RAPGEF2: variants seen among roughly 807,000 people sequenced by gnomAD.
RAPGEF2 encodes the protein Rap guanine nucleotide exchange factor 2.
In RAPGEF2, 54 loss-of-function variants were observed where a neutral mutation model predicts 186.7. That is an observed-to-expected ratio of 0.29 (90% CI 0.23 to 0.36). The LOEUF (loss-of-function observed/expected upper bound fraction) is 0.36. RAPGEF2 is among the 10% of genes least tolerant of loss of function. The probability of loss-of-function intolerance (pLI) is 1.00; values close to 1 mark genes in which losing one functional copy is unlikely to be tolerated. For synonymous variants in RAPGEF2, 712 were observed against 705.9 expected, an observed-to-expected ratio of 1.01 and a Z score of -0.14; for missense variants, 1,532 against 2,045.0, an observed-to-expected ratio of 0.75 and a Z score of 4.84.
chr4:159,352,839 C>T lies in RAPGEF2; in HGVS notation c.4020C>T (p.Ile1340=), dbSNP rs772674535. The change falls in exon 27 of 30, where the codon ATC becomes ATT. Residue 1340 remains isoleucine (I), a synonymous_variant. Coordinates refer to ENST00000691494, the MANE Select transcript of RAPGEF2 (RefSeq NM_001394067.2). ...DERRQRHSVS[I]VETNLGMGRM... is the part of the protein sequence containing the mutation. Reference sequence around the variant, plus strand: ...GGCGCCAGAGGCATTCTGTCAGCATCGTGGAAACAAACCTAGGGATGGGCA... The same window carrying T: ...GGCGCCAGAGGCATTCTGTCAGCATTGTGGAAACAAACCTAGGGATGGGCA... The T allele has an allele frequency of 6.2e-6, 10 of 1,614,050 alleles. No individual in the cohort carries two copies. The highest frequency in any genetic ancestry group is 2.2e-5 in the East Asian group (1 of 44,888).
intron 1 of RAPGEF2, among the ~76,000 whole-genome samples, chr4:159,144,392 C>T (rs1742676290): frequency 6.6e-6 from 1 of 152,170 alleles, no homozygotes; most frequent in South Asian, 2.1e-4. Context: ...TCTTGTATTT[C>T]TGTGTAATTC....
At chr4:159,112,409 G>T (rs1738597230) in intron 1 of RAPGEF2, among the ~76,000 whole-genome samples, 1 of 151,932 alleles carries the variant, frequency 6.6e-6, no homozygotes, top group Non-Finnish European at 1.5e-5. Flanking sequence ...GAAGTAGTAA[G>T]GTTAGCCTTA....
At chr4:159,297,128 T>A (rs183422999) in intron 7 of RAPGEF2, among the ~76,000 whole-genome samples, 1 of 152,322 alleles carries the variant, frequency 6.6e-6, no homozygotes, top group East Asian at 1.9e-4. Context: ...CAGCAAGCCA[T>A]GTGAAATACT....
chr4:159,201,534 T>C (rs1749412223), intron 3 of RAPGEF2, among the ~76,000 whole-genome samples: 1 of 152,190 alleles, frequency 6.6e-6, no homozygotes, highest in South Asian at 2.1e-4. Flanking sequence ...AATAAGTAAT[T>C]TTCACTGTGG....
At chr4:159,203,089 C>A (rs952316116) in intron 3 of RAPGEF2, among the ~76,000 whole-genome samples, 1 of 152,142 alleles carries the variant, frequency 6.6e-6, no homozygotes, top group Non-Finnish European at 1.5e-5. Context: ...TCAACTTGAT[C>A]GCTTGCATTT....
In RAPGEF2 at chr4:159,235,149, G is replaced by GT. The variant is rs1308832339; in HGVS notation, c.282-3655dup. The stretch of plus-strand genomic sequence containing the variant: ...TTTGTGAGAAACTTTTCAGTTCTGT[G>GT]TTTTTCCCCTTAGAAACTCTTCCAG... On this transcript the variant is annotated intron_variant, in intron 4 of 29. Coordinates refer to ENST00000691494, the MANE Select transcript of RAPGEF2 (RefSeq NM_001394067.2). 2.6e-5 allele frequency among the ~76,000 whole-genome samples: 4 copies of GT among 152,138 alleles called. 1 individual carries two copies. Among genetic ancestry groups the GT allele is most frequent in the Admixed American group, 2.6e-4 (4 of 15,282 alleles).
intron 9 of RAPGEF2, among the ~76,000 whole-genome samples, chr4:159,318,748 G>A (rs902270665): frequency 1.3e-5 from 2 of 151,468 alleles, no homozygotes; most frequent in Non-Finnish European, 2.9e-5. Context: ...AACAAGCCCC[G>A]GGTTTTTAAA....
chr4:159,339,048 T>A, intron 18 of RAPGEF2, 66 bp from the exon 19 acceptor site: 1 of 1,538,326 alleles, frequency 6.5e-7, no homozygotes, highest in Non-Finnish European at 8.8e-7. Flanking sequence ...CTGATTACTT[T>A]GCTTAATTGC....
chr4:159,296,847 G>A (rs1762087864), intron 7 of RAPGEF2, among the ~76,000 whole-genome samples: 1 of 152,148 alleles, frequency 6.6e-6, no homozygotes, highest in South Asian at 2.1e-4. Context: ...AGTTCATGTA[G>A]GTTTCCTTTC....
chr4:159,331,389 G>T, intron 13 of RAPGEF2, 42 bp from the exon 14 acceptor site: 2 of 1,201,480 alleles, frequency 1.7e-6, no homozygotes, highest in Non-Finnish European at 2.4e-6. Context: ...TCACATTTTT[G>T]GCACTAAAAA....
In RAPGEF2 at chr4:159,277,378, T is replaced by A. The variant is rs560176473; in HGVS notation, c.544-26964T>A. On this transcript the variant is annotated intron_variant, in intron 7 of 29. Transcript: ENST00000691494. ...TTGCTATTGTGAGTAGTGCCACAATTAACATACGTGTGCATGTGTCTTTAT... is the reference window on the plus strand; with the variant it reads ...TTGCTATTGTGAGTAGTGCCACAATAAACATACGTGTGCATGTGTCTTTAT... 2.8e-4 allele frequency among the ~76,000 whole-genome samples: 42 copies of A among 152,284 alleles called. 1 individual carries two copies. Among genetic ancestry groups the A allele is most frequent in the Admixed American group, 2.1e-3 (32 of 15,288 alleles).
At chr4:159,164,372 A>G (rs566424713) in intron 1 of RAPGEF2, among the ~76,000 whole-genome samples, 4 of 151,332 alleles carry the variant, frequency 2.6e-5, no homozygotes, top group Admixed American at 2.0e-4. Flanking sequence ...GGGAGAGAAT[A>G]TAAGAACAAA....
At position 159,343,410 on chromosome 4, in the gene RAPGEF2, T is replaced by G; in HGVS notation, c.3254+6T>G. 6.2e-7 allele frequency: 1 copy of G among 1,613,624 alleles called. No individual in the cohort carries two copies. The highest frequency in any genetic ancestry group is 8.5e-7 in the Non-Finnish European group (1 of 1,179,664). Reference sequence around the variant, plus strand: ...GCCCTCATGTTCAGGACTCGGTGAGTATGTCATCTTCAGTGGCACGTGTGA... The same window carrying G: ...GCCCTCATGTTCAGGACTCGGTGAGGATGTCATCTTCAGTGGCACGTGTGA... On this transcript the variant is annotated splice_donor_region_variant and intron_variant, in intron 22 of 29. Transcript: ENST00000691494.
chr4:159,253,150 A>AT (rs1755670002), intron 7 of RAPGEF2, among the ~76,000 whole-genome samples: 1 of 152,254 alleles, frequency 6.6e-6, no homozygotes, highest in Admixed American at 6.5e-5. Flanking sequence ...AGGGAAGAGT[A>AT]TTTTAACAGC....
At chr4:159,198,886 C>G (rs1749096058) in intron 3 of RAPGEF2, among the ~76,000 whole-genome samples, 1 of 151,402 alleles carries the variant, frequency 6.6e-6, no homozygotes, top group Non-Finnish European at 1.5e-5. Flanking sequence ...TCGAGACCAG[C>G]CTGGGCAACA....
Position 159,131,519 on chromosome 4 carries a change from A to ATTGTTT in RAPGEF2, c.69+27290_69+27291insGTTTTT. 3.6e-3 allele frequency among the ~76,000 whole-genome samples: 135 copies of ATTGTTT among 37,160 alleles called. 3 individuals are homozygous for ATTGTTT. The highest frequency in any genetic ancestry group is 0.026 in the Middle Eastern group (1 of 38). 24.4% of individuals were successfully genotyped at this position (37,160 alleles called of 152,430 possible). On this transcript the variant is annotated intron_variant, in intron 1 of 29. Coordinates refer to ENST00000691494, the MANE Select transcript of RAPGEF2 (RefSeq NM_001394067.2). Reference sequence around the variant, plus strand: ...TGATATCTTTGTCTGATTAATTGCTATTTTTTTTTTTTTTTTTTTTTTTTT... The same window carrying ATTGTTT: ...TGATATCTTTGTCTGATTAATTGCTATTGTTTTTTTTTTTTTTTTTTTTTTTTTTTT...
chr4:159,348,927 T>C (rs576187263), intron 25 of RAPGEF2, among the ~76,000 whole-genome samples: 1 of 152,362 alleles, frequency 6.6e-6, no homozygotes, highest in Admixed American at 6.5e-5. Flanking sequence ...GTCCATAAAA[T>C]AGTTTTGTTC....
chr4:159,331,407 T>A, intron 13 of RAPGEF2, 24 bp from the exon 14 acceptor site: 1 of 1,465,296 alleles, frequency 6.8e-7, no homozygotes, highest in Non-Finnish European at 9.3e-7. Context: ...AAAGGAAACT[T>A]ATTGAAAATA....
At chr4:159,296,085 A>C (rs1293310374) in intron 7 of RAPGEF2, among the ~76,000 whole-genome samples, 3 of 152,200 alleles carry the variant, frequency 2.0e-5, no homozygotes, top group Non-Finnish European at 2.9e-5. Context: ...TCAGAATTGC[A>C]ATTACTGGAT....
Sources: gnomAD v4.1 joint callset for allele counts (sites outside exome capture counted in the v4.1 genomes callset) on GRCh38, gnomAD v4.1.1 for gene constraint, MANE v1.5 for transcripts, NCBI Gene and HGNC (gene_info 2026-07-23, HGNC 2026-07-21) for gene names.